The following RIMBP2 variants were observed in gnomAD, a reference collection of about 807,000 sequenced individuals.
RIMBP2 encodes RIMS-binding protein 2.
RIMBP2 carries 48 observed loss-of-function variants against 118.6 expected under a neutral mutation model. That is an observed-to-expected ratio of 0.40 (90% CI 0.32 to 0.51). The LOEUF (loss-of-function observed/expected upper bound fraction) is 0.51. Ranked by LOEUF, RIMBP2 falls within the 20% of genes least tolerant of loss-of-function variation. The probability of loss-of-function intolerance (pLI) is 0.41; values close to 1 mark genes in which losing one functional copy is unlikely to be tolerated. For missense variants in RIMBP2, 1,551 were observed against 1,768.3 expected (o/e 0.88, Z 2.20); for synonymous variants, 762 against 742.9 (o/e 1.03, Z -0.42).
intron 1 of RIMBP2, among the ~76,000 whole-genome samples, chr12:130,662,537 T>G (rs2063707422): frequency 6.6e-6 from 1 of 152,044 alleles, no homozygotes; most frequent in Non-Finnish European, 1.5e-5. Context: ...GTGCCTGTAA[T>G]CCCAGCTACT....
intron 4 of RIMBP2, among the ~76,000 whole-genome samples, chr12:130,495,155 C>T (rs148321624): frequency 6.6e-6 from 1 of 152,324 alleles, no homozygotes; most frequent in African/African-American, 2.4e-5. Flanking sequence ...AGGTCATATT[C>T]ACAGATACAT....
chr12:130,435,919 G>C (rs1386076789), intron 13 of RIMBP2, among the ~76,000 whole-genome samples: 1 of 152,132 alleles, frequency 6.6e-6, no homozygotes, highest in African/African-American at 2.4e-5. Context: ...CACAGTGCGT[G>C]CCCCGCCTCG....
rs1566310003 is a variant in RIMBP2, at chr12:130,584,566, T to TTA, written c.-217+43755_-217+43756insTA. On this transcript the variant is annotated intron_variant, in intron 2 of 22. Coordinates refer to ENST00000690449, the MANE Select transcript of RIMBP2 (RefSeq NM_001393629.1). ...CCACCATCACATCACCACCATCACC[T>TTA]CATCACCACCATTACATCACCACCA... Among the ~76,000 whole-genome samples the TTA allele has an allele frequency of 2.0e-5, 3 of 150,060 alleles. No homozygotes were observed. In the East Asian group the frequency reaches 6.0e-4, roughly 30 times the overall value.
chr12:130,404,163 GAAAT>G (rs1389119453), intron 21 of RIMBP2, among the ~76,000 whole-genome samples: 1 of 152,124 alleles, frequency 6.6e-6, no homozygotes, highest in Admixed American at 6.5e-5. Flanking sequence ...GTTGATAAGA[GAAAT>G]AAATGCATTC....
intron 1 of RIMBP2, among the ~76,000 whole-genome samples, chr12:130,712,359 T>C (rs1949982757): frequency 6.6e-6 from 1 of 152,246 alleles, no homozygotes; most frequent in Admixed American, 6.5e-5. Context: ...TCTTTCTTTA[T>C]ATCCTCATCT....
intron 2 of RIMBP2, among the ~76,000 whole-genome samples, chr12:130,599,426 C>A (rs953370649): frequency 3.3e-5 from 5 of 152,174 alleles, no homozygotes; most frequent in African/African-American, 1.2e-4. Context: ...AAAAAACAAG[C>A]CATCCAATTA....
intron 4 of RIMBP2, among the ~76,000 whole-genome samples, chr12:130,485,533 G>A (rs2082401105): frequency 6.6e-6 from 1 of 152,274 alleles, no homozygotes; most frequent in Non-Finnish European, 1.5e-5. Context: ...GGCCTGGGTG[G>A]CCGATTGTGC....
intron 4 of RIMBP2, among the ~76,000 whole-genome samples, chr12:130,479,369 T>C (rs1198537846): frequency 6.6e-6 from 1 of 152,230 alleles, no homozygotes; most frequent in Admixed American, 6.5e-5. Flanking sequence ...AGGTCCTTTG[T>C]ATATAACAGC....
chr12:130,486,469 C>A (rs574489538), intron 4 of RIMBP2, among the ~76,000 whole-genome samples: 5 of 151,726 alleles, frequency 3.3e-5, no homozygotes, highest in South Asian at 2.1e-4. Context: ...CGTCCCCCGC[C>A]CCCCCGCCAC....
At chr12:130,646,014 T>C (rs1566421523) in intron 1 of RIMBP2, among the ~76,000 whole-genome samples, 2 of 152,014 alleles carry the variant, frequency 1.3e-5, no homozygotes, top group African/African-American at 4.8e-5. Flanking sequence ...CACCCAAGCA[T>C]TGAAATCTGT....
In RIMBP2 at chr12:130,486,920, C is replaced by T. The variant is rs183039702; in HGVS notation, c.-3-7904G>A. Among the ~76,000 whole-genome samples the T allele has an allele frequency of 1.4e-3, 217 of 152,268 alleles. 3 individuals are homozygous for T. The Middle Eastern group carries it at 0.017, about 12-fold the overall frequency. On this transcript the variant is annotated intron_variant, in intron 4 of 22. Coordinates refer to ENST00000690449, the MANE Select transcript of RIMBP2 (RefSeq NM_001393629.1). The stretch of plus-strand genomic sequence containing the variant: ...CAGAGCCCTTTCTGCCCCGAGACAG[C>T]TCCTCCAGAGCCACTGGCTGCACCA...
intron 7 of RIMBP2, among the ~76,000 whole-genome samples, 193 bp from the exon 8 acceptor site, chr12:130,451,533 G>A (rs1267801751): frequency 6.6e-6 from 1 of 152,350 alleles, no homozygotes; most frequent in South Asian, 2.1e-4. Flanking sequence ...CTCTGGGCCC[G>A]TCCAGCTGGC....
At chr12:130,708,980 T>C (rs1949698635) in intron 1 of RIMBP2, among the ~76,000 whole-genome samples, 1 of 152,204 alleles carries the variant, frequency 6.6e-6, no homozygotes, top group South Asian at 2.1e-4. Flanking sequence ...TCTCAAAGAC[T>C]ATTGTCTCAT....
At chr12:130,536,829 T>A in intron 2 of RIMBP2, among the ~76,000 whole-genome samples, 1 of 152,152 alleles carries the variant, frequency 6.6e-6, no homozygotes, top group South Asian at 2.1e-4. Flanking sequence ...CAGGTGACCG[T>A]GGTTGACAGC....
rs576994338 is a variant in RIMBP2, at chr12:130,469,370, A to G, written c.153+1323T>C. On this transcript the variant is annotated intron_variant, in intron 6 of 22. Transcript: ENST00000690449. This position sits in a 1 kb window ranked among gnomAD's most constrained non-coding sequence, Gnocchi z 4.8. Reference sequence around the variant, plus strand: ...TGGTGGAGCAGTCCCTCAGAGGCGGATTGAAGCCACACAGGGTCATGTCAA... The same window carrying G: ...TGGTGGAGCAGTCCCTCAGAGGCGGGTTGAAGCCACACAGGGTCATGTCAA... Among the ~76,000 whole-genome samples the G allele has an allele frequency of 6.6e-6, 1 of 152,302 alleles. No individual in the cohort carries two copies. The highest frequency in any genetic ancestry group is 1.5e-5 in the Non-Finnish European group (1 of 68,024).
At chr12:130,524,947 G>A (rs952292022) in intron 2 of RIMBP2, among the ~76,000 whole-genome samples, 1 of 152,212 alleles carries the variant, frequency 6.6e-6, no homozygotes, top group African/African-American at 2.4e-5. Flanking sequence ...GCTGGGGCTT[G>A]GTGAGTGTGA....
chr12:130,461,352 G>C (rs958731545), intron 6 of RIMBP2, among the ~76,000 whole-genome samples: 1 of 152,196 alleles, frequency 6.6e-6, no homozygotes, highest in African/African-American at 2.4e-5. Context: ...AGGGGCAGGG[G>C]CAGGGTAGAC....
intron 2 of RIMBP2, among the ~76,000 whole-genome samples, chr12:130,597,121 A>G (rs890133533): frequency 5.3e-5 from 8 of 152,260 alleles, no homozygotes; most frequent in South Asian, 2.1e-4. Flanking sequence ...CTGATACCAA[A>G]GTCAAAAGCA....
At position 130,399,701 on chromosome 12, in the gene RIMBP2, G is replaced by T; in HGVS notation, c.3878C>A (p.Pro1293Gln). The change falls in exon 22 of 23, where the codon CCA (proline) becomes CAA (glutamine). Residue 1293 changes from proline (P) to glutamine (Q), a missense_variant. Physicochemically the swap from Pro to Gln is moderately conservative, Grantham distance 76. This residue lies in a region of RIMBP2 where 1,038 missense variants were observed against 1,125.1 expected (regional missense o/e 0.92). Transcript: ENST00000690449. ...TACCCTTTTTGCCTTTGAGCGCATTGGCGTATCTTGAGAGTAGTGGGATGG... is the reference window on the plus strand; with the variant it reads ...TACCCTTTTTGCCTTTGAGCGCATTTGCGTATCTTGAGAGTAGTGGGATGG... ...DAPSHYSQDT[P>Q]MRSKAKRVPP... is the part of the protein sequence containing the mutation. The T allele has an allele frequency of 6.2e-7, 1 of 1,614,180 alleles. No individual in the cohort carries two copies. The highest frequency in any genetic ancestry group is 1.1e-5 in the South Asian group (1 of 91,078).
Sources: allele counts gnomAD v4.1 joint callset (sites outside exome capture counted in the v4.1 genomes callset), GRCh38; gene constraint gnomAD v4.1.1; regional missense constraint gnomAD v4.1.1; non-coding constraint Gnocchi (gnomAD v3.1); transcripts MANE v1.5; gene names NCBI Gene and HGNC (gene_info 2026-07-23, HGNC 2026-07-21).